POU2F2: variants seen among roughly 807,000 people sequenced by gnomAD.
POU2F2 encodes POU class 2 homeobox 2.
In POU2F2, 14 loss-of-function variants were observed where a neutral mutation model predicts 63.5. The ratio of observed to expected loss-of-function variants is 0.22; its 90% CI spans 0.15 to 0.34. The LOEUF (loss-of-function observed/expected upper bound fraction) is 0.34. Among genes scored for constraint, POU2F2 ranks in the 10% least tolerant of loss-of-function variants. POU2F2 has a pLI of 1.00. For missense variants in POU2F2, 607 were observed against 815.2 expected (o/e 0.74, Z 3.11); for synonymous variants, 306 against 348.6 (o/e 0.88, Z 1.36).
intron 5 of POU2F2, among the ~76,000 whole-genome samples, chr19:42,103,560 A>G (rs1308309923): frequency 6.6e-6 from 1 of 151,474 alleles, no homozygotes; most frequent in East Asian, 1.9e-4. Context: ...CTAAAGACCA[A>G]TTTGATGTGC....
At chr19:42,110,691 C>T (rs1198932782) in intron 5 of POU2F2, 5 of 455,664 alleles carry the variant, frequency 1.1e-5, no homozygotes, top group Non-Finnish European at 1.8e-5. Flanking sequence ...CACCTCAGGC[C>T]GTTCCTTACC....
chr19:42,135,417 G>A (rs2033985412), upstream of POU2F2, among the ~76,000 whole-genome samples: 1 of 151,978 alleles, frequency 6.6e-6, no homozygotes, highest in Non-Finnish European at 1.5e-5. Flanking sequence ...AGCTAACCTA[G>A]GGACCCAAAC....
intron 2 of POU2F2, among the ~76,000 whole-genome samples, chr19:42,149,973 T>TG (rs1010247060): frequency 1.2e-4 from 18 of 152,278 alleles, no homozygotes; most frequent in African/African-American, 4.1e-4. Flanking sequence ...AGACAGGCCC[T>TG]GGGGGACTGA....
At chr19:42,184,163 G>C (rs1450155969) in intron 1 of POU2F2, among the ~76,000 whole-genome samples, 1 of 151,964 alleles carries the variant, frequency 6.6e-6, no homozygotes, top group African/African-American at 2.4e-5. Flanking sequence ...GCTAATTTTT[G>C]TATTTTGTGG....
At chr19:42,125,849 TCC>T (rs957765933) in intron 1 of POU2F2, among the ~76,000 whole-genome samples, 4 of 152,112 alleles carry the variant, frequency 2.6e-5, no homozygotes, top group Admixed American at 2.6e-4. Context: ...GTCGAGCATC[TCC>T]CCCTGCTTGG....
intron 5 of POU2F2, among the ~76,000 whole-genome samples, chr19:42,114,019 C>T (rs2031507383): frequency 1.3e-5 from 2 of 152,228 alleles, no homozygotes; most frequent in South Asian, 4.1e-4. Context: ...CCCAGCTTTG[C>T]ACTTGTTGAA....
At chr19:42,106,198 C>T (rs766400028) in intron 5 of POU2F2, among the ~76,000 whole-genome samples, 14 of 151,808 alleles carry the variant, frequency 9.2e-5, no homozygotes, top group Non-Finnish European at 1.5e-4. Flanking sequence ...CTCTGCCTCC[C>T]GGGTTCAAGC....
At chr19:42,158,769 G>A (rs1462652228) in intron 2 of POU2F2, among the ~76,000 whole-genome samples, 1 of 152,116 alleles carries the variant, frequency 6.6e-6, no homozygotes, top group African/African-American at 2.4e-5. Flanking sequence ...TCTACCAACT[G>A]GAAACATAAT....
chr19:42,153,986 G>A lies in POU2F2; in HGVS notation c.-9+6346C>T, dbSNP rs1470322994. Reference sequence around the variant, plus strand: ...GGGCCCAGGCCCCCGTCCCTCCCCCGGCACCTTGGGCAGGCTGTACCTCTG... The same window carrying A: ...GGGCCCAGGCCCCCGTCCCTCCCCCAGCACCTTGGGCAGGCTGTACCTCTG... On this transcript the variant is annotated intron_variant, in intron 2 of 6. Transcript: ENST00000524801. This position sits in a 1 kb window ranked among gnomAD's most constrained non-coding sequence, Gnocchi z 5.6. Among the ~76,000 whole-genome samples, 3 of 144,934 alleles carry A rather than the reference G, an allele frequency of 2.1e-5. No homozygotes were observed. The highest frequency in any genetic ancestry group is 2.2e-4 in the South Asian group (1 of 4,450).
At chr19:42,138,113 G>C (rs929849568) in intron 2 of POU2F2, among the ~76,000 whole-genome samples, 14 of 152,190 alleles carry the variant, frequency 9.2e-5, no homozygotes, top group African/African-American at 3.4e-4. Context: ...ACACTTTTGT[G>C]ACAATCCTGG....
At position 42,120,140 on chromosome 19, in the gene POU2F2, G is replaced by A. The variant is rs370066983; in HGVS notation, c.186+1986C>T. Among the ~76,000 whole-genome samples, 77 of 151,388 alleles carry A rather than the reference G, an allele frequency of 5.1e-4. 3 individuals are homozygous for A. The highest frequency in any genetic ancestry group is 1.8e-3 in the African/African-American group (75 of 41,208). On this transcript the variant is annotated intron_variant, in intron 4 of 14. Coordinates refer to ENST00000692977, the MANE Select transcript of POU2F2 (RefSeq NM_001394376.1). Reference sequence around the variant, plus strand: ...TGCCCAGGCTGGTCTTGAACTCCCGGGCTCAAGCGATCTACCCACCTTGGC... The same window carrying A: ...TGCCCAGGCTGGTCTTGAACTCCCGAGCTCAAGCGATCTACCCACCTTGGC...
At chr19:42,102,927 G>A (rs2077198352) in intron 5 of POU2F2, among the ~76,000 whole-genome samples, 1 of 151,952 alleles carries the variant, frequency 6.6e-6, no homozygotes, top group Non-Finnish European at 1.5e-5. Flanking sequence ...CCCCTCACCT[G>A]CCTACAAGTC....
At chr19:42,129,120 A>T (rs1305087331) in intron 1 of POU2F2, among the ~76,000 whole-genome samples, 1 of 152,064 alleles carries the variant, frequency 6.6e-6, no homozygotes, top group Non-Finnish European at 1.5e-5. Context: ...GGCATGAGCC[A>T]CCGCACCCAG....
chr19:42,120,238 CT>C (rs1201116810), intron 4 of POU2F2, among the ~76,000 whole-genome samples: 2 of 140,272 alleles, frequency 1.4e-5, no homozygotes, highest in East Asian at 4.1e-4. Context: ...TTTTTTTGAG[CT>C]GGAGTCTTTC....
At chr19:42,170,533 T>C (rs2034741909) in intron 1 of POU2F2, among the ~76,000 whole-genome samples, 1 of 149,942 alleles carries the variant, frequency 6.7e-6, no homozygotes, top group African/African-American at 2.5e-5. Context: ...AAATGCAGAG[T>C]CCAACAAGAA....
At chr19:42,131,825 G>A (rs2033761099) in intron 1 of POU2F2, among the ~76,000 whole-genome samples, 1 of 152,108 alleles carries the variant, frequency 6.6e-6, no homozygotes. Context: ...GGTGACATCT[G>A]AGGTGAATGA....
intron 1 of POU2F2, among the ~76,000 whole-genome samples, chr19:42,168,603 T>C (rs1699190079): frequency 2.0e-5 from 3 of 152,280 alleles, no homozygotes; most frequent in Middle Eastern, 3.4e-3. Context: ...CCAGAATGCT[T>C]TGTGCACCTC....
chr19:42,171,934 C>T (rs117873874), intron 1 of POU2F2, among the ~76,000 whole-genome samples: 2,202 of 152,192 alleles, frequency 0.014, 30 homozygotes, highest in Non-Finnish European at 0.023. Context: ...TACGTTGTCA[C>T]GAGATGCATG....
At chr19:42,099,148 C>T (rs1320884911) in intron 7 of POU2F2, among the ~76,000 whole-genome samples, 1 of 152,228 alleles carries the variant, frequency 6.6e-6, no homozygotes, top group Non-Finnish European at 1.5e-5. Context: ...TCAGAGAATC[C>T]TCCGTTGCAG....
Sources: gnomAD v4.1 joint callset for allele counts (sites outside exome capture counted in the v4.1 genomes callset) on GRCh38, gnomAD v4.1.1 for gene constraint, Gnocchi (gnomAD v3.1) non-coding constraint, MANE v1.5 for transcripts, NCBI Gene and HGNC (gene_info 2026-07-23, HGNC 2026-07-21) for gene names.